KIF19: variants seen among roughly 807,000 people sequenced by gnomAD.
KIF19 encodes the protein kinesin family member 19, also known as kinesin-like protein KIF19.
Under a neutral mutation model 106.6 loss-of-function variants are expected in KIF19, and 98 were observed. That is an observed-to-expected ratio of 0.92 (90% CI 0.78 to 1.09). The LOEUF (loss-of-function observed/expected upper bound fraction) is 1.09. KIF19 is among the 50% of genes least tolerant of loss of function. The probability of loss-of-function intolerance (pLI) is 0.00; values close to 1 mark genes in which losing one functional copy is unlikely to be tolerated. For missense variants in KIF19, 1,373 were observed against 1,414.3 expected (o/e 0.97, Z 0.47); for synonymous variants, 516 against 584.2 (o/e 0.88, Z 1.68).
chr17:74,342,906 C>T (rs1374129857), intron 4 of KIF19, 118 bp from the exon 5 acceptor site: 2 of 1,316,980 alleles, frequency 1.5e-6, no homozygotes, highest in Non-Finnish European at 2.1e-6. Flanking sequence ...CCCACCACCT[C>T]CCTGGCCCTC....
intron 1 of KIF19, among the ~76,000 whole-genome samples, chr17:74,327,184 G>A (rs2053939153): frequency 6.6e-6 from 1 of 152,214 alleles, no homozygotes; most frequent in Non-Finnish European, 1.5e-5. Context: ...AAGGTGGGCA[G>A]TAAGGTAACT....
At chr17:74,340,571 A>ACACACACG (rs2054343839) in intron 2 of KIF19, among the ~76,000 whole-genome samples, 1 of 151,942 alleles carries the variant, frequency 6.6e-6, no homozygotes, top group Non-Finnish European at 1.5e-5. Flanking sequence ...ACACACACAC[A>ACACACACG]CACTGCTGCC....
chr17:74,339,224 G>A (rs1023076368), intron 2 of KIF19, among the ~76,000 whole-genome samples: 5 of 151,926 alleles, frequency 3.3e-5, no homozygotes, highest in African/African-American at 1.2e-4. Context: ...AGGGGTGGAA[G>A]TGTGTGCGTG....
At chr17:74,335,382 G>T (rs779652960) in intron 2 of KIF19, among the ~76,000 whole-genome samples, 2 of 152,258 alleles carry the variant, frequency 1.3e-5, no homozygotes, top group South Asian at 4.1e-4. Flanking sequence ...AAATGCAGCT[G>T]CAGCCTAGTA....
At chr17:74,337,611 A>G (rs1317163697) in intron 2 of KIF19, among the ~76,000 whole-genome samples, 3 of 152,174 alleles carry the variant, frequency 2.0e-5, no homozygotes, top group Non-Finnish European at 4.4e-5. Context: ...TTAGGACTCA[A>G]TGCTAGTGCC....
chr17:74,333,423 C>A (rs903700932), intron 2 of KIF19, among the ~76,000 whole-genome samples: 1 of 143,112 alleles, frequency 7.0e-6, no homozygotes, highest in African/African-American at 2.7e-5. Context: ...AGTGCCGTGG[C>A]GCTATCTTAG....
chr17:74,344,015 C>T (rs1327837314), intron 5 of KIF19, among the ~76,000 whole-genome samples: 2 of 152,138 alleles, frequency 1.3e-5, no homozygotes, highest in Non-Finnish European at 2.9e-5. Context: ...TCCAGCAGCC[C>T]GATGTTTCCT....
In KIF19 at chr17:74,354,407, G is replaced by A. The variant is rs372963418; in HGVS notation, c.2554G>A (p.Glu852Lys). The A allele has an allele frequency of 2.4e-5, 39 of 1,611,086 alleles. No individual in the cohort carries two copies. Among genetic ancestry groups the A allele is most frequent in the African/African-American group, 1.5e-4 (11 of 74,936 alleles). The change falls in exon 18 of 20, where the codon GAG becomes AAG. Residue 852 changes from glutamate (E) to lysine (K), a missense_variant. Physicochemically the swap from Glu to Lys is moderately conservative, Grantham distance 56. This residue lies in a region of KIF19 where 1,020 missense variants were observed against 1,008.2 expected (regional missense o/e 1.01). Coordinates refer to ENST00000389916, the MANE Select transcript of KIF19 (RefSeq NM_153209.4). Reference protein sequence around the residue: ...SEDNLSSSTGEAPSRAVGHHG... With the variant: ...SEDNLSSSTGKAPSRAVGHHG... ...GGACAACCTGTCCAGCAGCACGGGC[G>A]AGGCCCCGTCCCGGGCAGTCGGACA...
In KIF19 at chr17:74,352,351, GC is replaced by G; in HGVS notation, c.1980+13del. ...TCCAGGGCCCTGCAGGTGGGTGGGCGCCTGGGCGGCCTGAACATGGGCACAT... is the reference window on the plus strand; with the variant it reads ...TCCAGGGCCCTGCAGGTGGGTGGGCGCTGGGCGGCCTGAACATGGGCACAT... On this transcript the variant is annotated intron_variant, in intron 14 of 19. Coordinates refer to ENST00000389916, the MANE Select transcript of KIF19 (RefSeq NM_153209.4). 1 of 1,597,946 alleles carries G rather than the reference GC, an allele frequency of 6.3e-7. No individual in the cohort carries two copies. The highest frequency in any genetic ancestry group is 8.5e-7 in the Non-Finnish European group (1 of 1,173,644).
intron 2 of KIF19, among the ~76,000 whole-genome samples, chr17:74,332,324 C>CG (rs2054118474): frequency 6.6e-6 from 1 of 151,450 alleles, no homozygotes; most frequent in Non-Finnish European, 1.5e-5. Context: ...ACACAGGAAG[C>CG]GGGGAAGTAC....
chr17:74,341,555 G>A (rs750690748), intron 2 of KIF19, among the ~76,000 whole-genome samples: 10 of 152,282 alleles, frequency 6.6e-5, no homozygotes, highest in South Asian at 2.1e-4. Context: ...GCAATTGCTC[G>A]TTGTCAGGAA....
intron 14 of KIF19, 131 bp downstream of exon 14, chr17:74,352,471 T>C: frequency 8.3e-7 from 1 of 1,204,966 alleles, no homozygotes; most frequent in Non-Finnish European, 1.1e-6. Flanking sequence ...GTTGACTCCC[T>C]TTCCTTCTTA....
intron 2 of KIF19, among the ~76,000 whole-genome samples, chr17:74,339,419 G>A (rs2054297025): frequency 6.6e-6 from 1 of 151,876 alleles, no homozygotes; most frequent in Admixed American, 6.5e-5. Flanking sequence ...TGTGCTGGGA[G>A]GAGGGGGCTG....
rs916358906 is a variant in KIF19, at chr17:74,331,622, G to C, written c.120+3117G>C. 6.6e-6 allele frequency among the ~76,000 whole-genome samples: 1 copy of C among 151,834 alleles called. No individual in the cohort carries two copies. Among genetic ancestry groups the C allele is most frequent in the Non-Finnish European group, 1.5e-5 (1 of 67,960 alleles). Reference sequence around the variant, plus strand: ...GATGGAGTCTTGCTCTGTCACCTAGGCTGGAGTACAGTGGTGCAATCTTGG... The same window carrying C: ...GATGGAGTCTTGCTCTGTCACCTAGCCTGGAGTACAGTGGTGCAATCTTGG... On this transcript the variant is annotated intron_variant, in intron 2 of 19. Coordinates refer to ENST00000389916, the MANE Select transcript of KIF19 (RefSeq NM_153209.4). This position sits in a 1 kb window ranked among gnomAD's most constrained non-coding sequence, Gnocchi z 4.1.
intron 4 of KIF19, 115 bp downstream of exon 4, chr17:74,342,832 T>C (rs2054419091): frequency 6.5e-6 from 8 of 1,236,726 alleles, no homozygotes; most frequent in Non-Finnish European, 9.2e-6. Flanking sequence ...TCGCTCCACA[T>C]CTCACCCAGG....
Position 74,350,741 on chromosome 17 carries a change from T to C in KIF19, c.1423T>C (p.Trp475Arg), listed in dbSNP as rs747463792. The C allele has an allele frequency of 4.3e-6, 7 of 1,613,654 alleles. No homozygotes were observed. The change falls in exon 12 of 20, where the codon TGG (tryptophan) becomes CGG (arginine). Residue 475 changes from tryptophan (W) to arginine (R), a missense_variant. By Grantham distance (101) the Trp-to-Arg change is moderately radical. Transcript: ENST00000389916. ...TGAGAAGTCCCGCCGGGCCCTCAAA[T>C]GGCGGGAGGAGCAGCGAAAGGAGTG... Reference protein sequence around the residue: ...KHEKSRRALKWREEQRKECYA... With the variant: ...KHEKSRRALKRREEQRKECYA...
chr17:74,342,958 G>A (rs975902607), intron 4 of KIF19, 66 bp from the exon 5 acceptor site: 32 of 1,509,354 alleles, frequency 2.1e-5, no homozygotes, highest in Non-Finnish European at 2.8e-5. Context: ...GTTTCCAGGA[G>A]TGCCTGCCCA....
intron 2 of KIF19, among the ~76,000 whole-genome samples, chr17:74,339,761 G>A (rs1257004857): frequency 6.6e-6 from 1 of 152,238 alleles, no homozygotes; most frequent in African/African-American, 2.4e-5. Flanking sequence ...CAGGCGCAGA[G>A]CAGCATTTAG....
In KIF19 at chr17:74,344,814, C is replaced by T. The variant is rs149952681; in HGVS notation, c.636C>T (p.Ala212=). Reference sequence around the variant, plus strand: ...GGCAGAGGACCCAGGAGCCCACGGCCGCCAACCAGACGTCCTCCCGCTCCC... The same window carrying T: ...GGCAGAGGACCCAGGAGCCCACGGCTGCCAACCAGACGTCCTCCCGCTCCC... The part of the protein sequence containing the change: ...GNRQRTQEPT[A]ANQTSSRSHA... Residue 212 remains alanine (A), a synonymous_variant, in exon 7 of 20, where the codon GCC becomes GCT. Coordinates refer to ENST00000389916, the MANE Select transcript of KIF19 (RefSeq NM_153209.4). 159 of 1,612,120 alleles carry T rather than the reference C, an allele frequency of 9.9e-5. No individual in the cohort carries two copies. In the African/African-American group the frequency reaches 1.0e-3, roughly 10 times the overall value.
Sources: gnomAD v4.1 joint callset for allele counts (sites outside exome capture counted in the v4.1 genomes callset) on GRCh38, gnomAD v4.1.1 for gene constraint, gnomAD v4.1.1 regional missense constraint, Gnocchi (gnomAD v3.1) non-coding constraint, MANE v1.5 for transcripts, NCBI Gene and HGNC (gene_info 2026-07-23, HGNC 2026-07-21) for gene names.